The following SLC24A2 variants were observed in gnomAD, a reference collection of about 807,000 sequenced individuals.
SLC24A2 encodes solute carrier family 24 member 2.
In SLC24A2, 36 loss-of-function variants were observed where a neutral mutation model predicts 62.0. That is an observed-to-expected ratio of 0.58 (90% CI 0.44 to 0.77). SLC24A2 has a LOEUF of 0.77. Among genes scored for constraint, SLC24A2 ranks in the 30% least tolerant of loss-of-function variants. The pLI is 0.00. For synonymous variants in SLC24A2, 358 were observed against 294.0 expected (o/e 1.22, Z -2.23); for missense variants, 846 against 817.9 (o/e 1.03, Z -0.42).
At chr9:19,519,599 T>A (rs780835796) in intron 10 of SLC24A2, among the ~76,000 whole-genome samples, 4 of 152,160 alleles carry the variant, frequency 2.6e-5, no homozygotes, top group Admixed American at 2.6e-4. Flanking sequence ...CAAACACTTG[T>A]CAAACAACTA....
the SLC24A2 span, among the ~76,000 whole-genome samples, chr9:20,109,065 C>T: frequency 6.6e-6 from 1 of 152,104 alleles, no homozygotes; most frequent in East Asian, 1.9e-4. Context: ...ATATTCACTA[C>T]AGTAACATGT....
chr9:19,756,228 C>T (rs1250951778), intron 2 of SLC24A2, among the ~76,000 whole-genome samples: 4 of 152,102 alleles, frequency 2.6e-5, no homozygotes, highest in Non-Finnish European at 4.4e-5. Flanking sequence ...CCCAGCCAGG[C>T]ACATACATAG....
intron 2 of SLC24A2, among the ~76,000 whole-genome samples, chr9:19,695,159 T>C (rs145765638): frequency 1.6e-3 from 249 of 152,128 alleles, no homozygotes; most frequent in African/African-American, 5.8e-3. Context: ...ATCTAGTGGG[T>C]AGAGGCTAGG....
intron 2 of SLC24A2, among the ~76,000 whole-genome samples, chr9:19,772,699 C>G (rs546327143): frequency 4.2e-4 from 64 of 152,214 alleles, no homozygotes; most frequent in African/African-American, 1.5e-3. Flanking sequence ...AAGCTAATAA[C>G]AAATGTCGGC....
chr9:20,094,624 GT>G, the SLC24A2 span, among the ~76,000 whole-genome samples: 1 of 152,124 alleles, frequency 6.6e-6, no homozygotes, highest in African/African-American at 2.4e-5. Flanking sequence ...CTAGATTTGT[GT>G]ATGTCTTTTG....
chr9:20,078,224 G>A, the SLC24A2 span, among the ~76,000 whole-genome samples: 1 of 152,140 alleles, frequency 6.6e-6, no homozygotes, highest in African/African-American at 2.4e-5. Flanking sequence ...TGTAGGAAGT[G>A]GGAGCAACTC....
chr9:20,210,143 G>A, the SLC24A2 span, among the ~76,000 whole-genome samples: 1 of 152,148 alleles, frequency 6.6e-6, no homozygotes, highest in Admixed American at 6.5e-5. Flanking sequence ...AGCCCACTGT[G>A]GTGGGCTTTA....
chr9:19,832,375 A>G, the SLC24A2 span, among the ~76,000 whole-genome samples: 2 of 152,248 alleles, frequency 1.3e-5, no homozygotes, highest in South Asian at 2.1e-4. Context: ...TAAGCCAGAT[A>G]TGAGTCATTT....
the SLC24A2 span, among the ~76,000 whole-genome samples, chr9:19,843,193 T>G: frequency 6.6e-6 from 1 of 152,164 alleles, no homozygotes; most frequent in South Asian, 2.1e-4. Context: ...AATTGTGCCC[T>G]TCATACTTTA....
chr9:20,261,641 A>C, the SLC24A2 span, among the ~76,000 whole-genome samples: 5 of 151,856 alleles, frequency 3.3e-5, no homozygotes, highest in Non-Finnish European at 7.4e-5. Context: ...CAGTACTATC[A>C]TAACTGTATT....
At chr9:19,688,181 A>G (rs1819940362) in intron 2 of SLC24A2, among the ~76,000 whole-genome samples, 1 of 152,126 alleles carries the variant, frequency 6.6e-6, no homozygotes, top group South Asian at 2.1e-4. Flanking sequence ...TTTAGTTTAG[A>G]ATATGTTACT....
chr9:19,754,002 C>G (rs898740321), intron 2 of SLC24A2, among the ~76,000 whole-genome samples: 2 of 152,114 alleles, frequency 1.3e-5, no homozygotes, highest in Non-Finnish European at 2.9e-5. Flanking sequence ...TGACTGATTA[C>G]ATATTTGAAC....
intron 2 of SLC24A2, among the ~76,000 whole-genome samples, chr9:19,761,425 TTTTCATATGTTTG>T (rs1822323377): frequency 6.6e-6 from 1 of 152,158 alleles, no homozygotes; most frequent in African/African-American, 2.4e-5. Context: ...GATGAGCTTT[TTTTCATATGTTTG>T]TTGGTTGCAT....
chr9:20,127,978 C>G, the SLC24A2 span, among the ~76,000 whole-genome samples: 409 of 152,130 alleles, frequency 2.7e-3, 1 homozygote, highest in Non-Finnish European at 4.7e-3. Flanking sequence ...CAAAATCAAC[C>G]AATGCCTACT....
chr9:20,027,906 T>C, the SLC24A2 span, among the ~76,000 whole-genome samples: 1 of 152,014 alleles, frequency 6.6e-6, no homozygotes, highest in Non-Finnish European at 1.5e-5. Context: ...AAACATACAA[T>C]GTCAATTTTT....
the SLC24A2 span, among the ~76,000 whole-genome samples, chr9:19,962,286 G>T: frequency 6.6e-6 from 1 of 152,198 alleles, no homozygotes; most frequent in African/African-American, 2.4e-5. Flanking sequence ...ATAGTTTGAA[G>T]TCAGGTAGCG....
the SLC24A2 span, among the ~76,000 whole-genome samples, chr9:19,990,931 A>G: frequency 8.4e-6 from 1 of 119,482 alleles, no homozygotes; most frequent in African/African-American, 3.1e-5. Context: ...GGATATATAT[A>G]TATATGTATG....
intron 2 of SLC24A2, among the ~76,000 whole-genome samples, chr9:19,646,751 C>T (rs1818647453): frequency 1.3e-5 from 2 of 152,062 alleles, no homozygotes; most frequent in South Asian, 2.1e-4. Context: ...AATAAGTTTT[C>T]GTGGCTTTTA....
the SLC24A2 span, among the ~76,000 whole-genome samples, chr9:20,217,550 C>T: frequency 2.0e-5 from 3 of 152,208 alleles, no homozygotes; most frequent in South Asian, 6.2e-4. Flanking sequence ...GCAGGTTAGT[C>T]TTCCTAAAAA....
Sources: gnomAD v4.1 joint callset for allele counts (sites outside exome capture counted in the v4.1 genomes callset) on GRCh38, gnomAD v4.1.1 for gene constraint, MANE v1.5 for transcripts, NCBI Gene and HGNC (gene_info 2026-07-23, HGNC 2026-07-21) for gene names.